SLC2A13: variants seen among roughly 807,000 people sequenced by gnomAD.
SLC2A13 encodes solute carrier family 2 member 13.
Under a neutral mutation model 64.4 loss-of-function variants are expected in SLC2A13, and 32 were observed. That is an observed-to-expected ratio of 0.50 (90% CI 0.37 to 0.67). SLC2A13 has a LOEUF of 0.67. SLC2A13 is among the 30% of genes least tolerant of loss of function. The pLI, the probability that SLC2A13 is intolerant of heterozygous loss-of-function variation, is 0.00. For missense variants in SLC2A13, 743 were observed against 829.2 expected, an observed-to-expected ratio of 0.90 and a Z score of 1.28; for synonymous variants, 338 against 327.1, an observed-to-expected ratio of 1.03 and a Z score of -0.36.
intron 4 of SLC2A13, among the ~76,000 whole-genome samples, chr12:39,918,905 T>G (rs1332413046): frequency 6.6e-6 from 1 of 151,198 alleles, no homozygotes; most frequent in African/African-American, 2.4e-5. Context: ...ACTTGAAGTT[T>G]CCAGTTTCTA....
chr12:39,981,604 C>T (rs1440306786), intron 3 of SLC2A13, among the ~76,000 whole-genome samples: 3 of 151,084 alleles, frequency 2.0e-5, no homozygotes, highest in African/African-American at 7.3e-5. Context: ...TCGACACATA[C>T]ACTCTCCCAA....
rs765928623 is a variant in SLC2A13, at chr12:40,105,240, A to G, written c.556+13T>C. 16 of 1,571,412 alleles carry G rather than the reference A, an allele frequency of 1.0e-5. No individual in the cohort carries two copies. The Admixed American group carries it at 2.7e-4, about 26-fold the overall frequency. ...ATGGGATCCCGGGCGCCCTTCACGG[A>G]GCCCGAACTCACCGATGCCGAGTCC... On this transcript the variant is annotated intron_variant, in intron 1 of 9. Coordinates refer to ENST00000280871, the MANE Select transcript of SLC2A13 (RefSeq NM_052885.4). This position sits in a 1 kb window ranked among gnomAD's most constrained non-coding sequence, Gnocchi z 4.2.
intron 1 of SLC2A13, among the ~76,000 whole-genome samples, chr12:40,082,583 T>C (rs1938446048): frequency 6.6e-6 from 1 of 152,176 alleles, no homozygotes; most frequent in Non-Finnish European, 1.5e-5. Flanking sequence ...GACAGGCCCC[T>C]TCCCATGAGC....
intron 1 of SLC2A13, 91 bp from the exon 2 acceptor site, chr12:40,048,301 T>A (rs927738467): frequency 5.4e-6 from 7 of 1,294,844 alleles, no homozygotes; most frequent in Non-Finnish European, 7.3e-6. Context: ...TACACTTACA[T>A]ATATGGGCTT....
chr12:39,961,935 A>C (rs1946421655), intron 3 of SLC2A13, among the ~76,000 whole-genome samples: 1 of 152,164 alleles, frequency 6.6e-6, no homozygotes, highest in African/African-American at 2.4e-5. Flanking sequence ...AAGGAGAAAA[A>C]ACAATGAACT....
intron 4 of SLC2A13, among the ~76,000 whole-genome samples, chr12:39,938,874 T>A (rs1457451071): frequency 6.6e-6 from 1 of 152,144 alleles, no homozygotes; most frequent in African/African-American, 2.4e-5. Flanking sequence ...TCATGGAAAC[T>A]CACTATAGAA....
At chr12:39,938,747 C>T (rs1450967822) in intron 4 of SLC2A13, among the ~76,000 whole-genome samples, 1 of 150,398 alleles carries the variant, frequency 6.6e-6, no homozygotes, top group Non-Finnish European at 1.5e-5. Context: ...TAAGAAAGTT[C>T]ACATCCATAT....
chr12:39,783,264 C>A (rs1208083227), intron 7 of SLC2A13, among the ~76,000 whole-genome samples: 7 of 152,208 alleles, frequency 4.6e-5, no homozygotes, highest in Admixed American at 1.3e-4. Context: ...TTAATTCACT[C>A]TATCACTGAT....
In SLC2A13 at chr12:39,757,897, T is replaced by C. The variant is rs922683052; in HGVS notation, c.*2129A>G. The C allele has an allele frequency of 6.6e-6, 1 of 152,186 alleles. No individual in the cohort carries two copies. The highest frequency in any genetic ancestry group is 2.4e-5 in the African/African-American group (1 of 41,388). The allele number at this position is 152,186 out of a possible 1,614,324, so 9.4% of individuals were successfully genotyped here. On this transcript the variant is annotated 3_prime_UTR_variant, in exon 10 of 10. Coordinates refer to ENST00000280871, the MANE Select transcript of SLC2A13 (RefSeq NM_052885.4). ...ATAAAGAGAAGGATTGAGGCAATTA[T>C]TTTGATTAAGTCCAAAAAATAAATT...
At chr12:39,963,930 CTCA>C (rs777250737) in intron 3 of SLC2A13, among the ~76,000 whole-genome samples, 36 of 152,088 alleles carry the variant, frequency 2.4e-4, no homozygotes, top group Non-Finnish European at 3.5e-4. Context: ...AAAAATAAAA[CTCA>C]GCCTGAATTC....
intron 7 of SLC2A13, among the ~76,000 whole-genome samples, chr12:39,776,439 G>A (rs74090331): frequency 0.047 from 7,167 of 152,284 alleles, 588 homozygotes; most frequent in African/African-American, 0.16. Context: ...CCTAGGAAGC[G>A]GCTTGGCAAG....
intron 3 of SLC2A13, among the ~76,000 whole-genome samples, chr12:40,003,129 T>C (rs1334759815): frequency 6.6e-6 from 1 of 152,166 alleles, no homozygotes; most frequent in African/African-American, 2.4e-5. Context: ...CCTGTAAATA[T>C]GGACATTTAT....
At chr12:39,925,955 A>T (rs1945721056) in intron 4 of SLC2A13, among the ~76,000 whole-genome samples, 1 of 152,172 alleles carries the variant, frequency 6.6e-6, no homozygotes, top group South Asian at 2.1e-4. Context: ...CCTTAACCCA[A>T]TTGTTAGGAT....
At chr12:39,892,515 G>T (rs555806867) in intron 4 of SLC2A13, among the ~76,000 whole-genome samples, 60 of 152,234 alleles carry the variant, frequency 3.9e-4, no homozygotes, top group Non-Finnish European at 7.4e-4. Flanking sequence ...TTAGTCAAAA[G>T]ATTTTTTTTT....
intron 2 of SLC2A13, among the ~76,000 whole-genome samples, chr12:40,046,128 C>T (rs1344085133): frequency 6.6e-6 from 1 of 152,126 alleles, no homozygotes; most frequent in Non-Finnish European, 1.5e-5. Context: ...ATTTGGATCC[C>T]ACAATAATCT....
chr12:39,952,841 A>T (rs1946253402), intron 3 of SLC2A13, among the ~76,000 whole-genome samples: 1 of 152,134 alleles, frequency 6.6e-6, no homozygotes, highest in Non-Finnish European at 1.5e-5. Context: ...ACAATGCTGA[A>T]ATATATCTGG....
At chr12:39,839,939 A>G (rs890009667) in intron 6 of SLC2A13, among the ~76,000 whole-genome samples, 1 of 152,122 alleles carries the variant, frequency 6.6e-6, no homozygotes, top group African/African-American at 2.4e-5. Flanking sequence ...AAACCTGAGC[A>G]TGATTGCAGA....
At chr12:40,028,866 T>C (rs1436004525) in intron 2 of SLC2A13, among the ~76,000 whole-genome samples, 1 of 152,208 alleles carries the variant, frequency 6.6e-6, no homozygotes, top group Non-Finnish European at 1.5e-5. Context: ...TATTTTACAA[T>C]ATAAAATGGG....
At chr12:40,090,381 TA>T (rs1459236409) in intron 1 of SLC2A13, among the ~76,000 whole-genome samples, 1 of 152,212 alleles carries the variant, frequency 6.6e-6, no homozygotes, top group Non-Finnish European at 1.5e-5. Context: ...TATCTCTGCG[TA>T]TCTTATCTTC....
Sources: allele counts gnomAD v4.1 joint callset (sites outside exome capture counted in the v4.1 genomes callset), GRCh38; gene constraint gnomAD v4.1.1; non-coding constraint Gnocchi (gnomAD v3.1); transcripts MANE v1.5; gene names NCBI Gene and HGNC (gene_info 2026-07-23, HGNC 2026-07-21).